Variants in NCBP3 observed in about 807,000 individuals in gnomAD.
NCBP3 encodes the protein nuclear cap binding subunit 3, also known as nuclear cap-binding protein subunit 3.
Under a neutral mutation model 75.7 loss-of-function variants are expected in NCBP3, and 20 were observed. That is an observed-to-expected ratio of 0.26 (90% CI 0.19 to 0.38). The LOEUF (loss-of-function observed/expected upper bound fraction) is 0.38. Among genes scored for constraint, NCBP3 ranks in the 10% least tolerant of loss-of-function variants. The pLI is 1.00. For synonymous variants in NCBP3, 293 were observed against 290.5 expected (o/e 1.01, Z -0.09); for missense variants, 678 against 796.9 (o/e 0.85, Z 1.80).
chr17:3,831,029 A>G (rs2053868704), intron 3 of NCBP3, among the ~76,000 whole-genome samples: 1 of 151,654 alleles, frequency 6.6e-6, no homozygotes, highest in African/African-American at 2.4e-5. Context: ...CTCCCGTCTA[A>G]GCCTCCCAAG....
At position 3,813,178 on chromosome 17, in the gene NCBP3, G is replaced by A. The variant is rs1420289144; in HGVS notation, c.1729C>T (p.Leu577=). 1.4e-5 allele frequency: 22 copies of A among 1,614,144 alleles called. No individual in the cohort carries two copies. Among genetic ancestry groups the A allele is most frequent in the Non-Finnish European group, 1.9e-5 (22 of 1,180,060 alleles). Residue 577 remains leucine (L), a synonymous_variant, in exon 13 of 13, where the codon CTG becomes TTG. Transcript: ENST00000389005. ...APGAEEDDSE[L]QRAWGALIKE... ...ATCAGAGCCCCCCATGCCCTTTGCA[G>A]CTCAGAGTCGTCTTCCTCAGCGCCA...
Position 3,803,894 on chromosome 17 carries a change from T to A in NCBP3, c.*9150A>T, listed in dbSNP as rs1351391600. The A allele has an allele frequency of 1.3e-5, 2 of 151,642 alleles. No homozygotes were observed. The highest frequency in any genetic ancestry group is 4.9e-5 in the African/African-American group (2 of 41,234). 9.4% of individuals were successfully genotyped at this position (151,642 alleles called of 1,614,324 possible). A position where few individuals can be genotyped will look rare whatever the true frequency, so the allele number is the denominator to read the frequency against. On this transcript the variant is annotated 3_prime_UTR_variant, in exon 13 of 13. Transcript: ENST00000389005. Reference sequence around the variant, plus strand: ...ATCGAGACCATCCTGGCTAACACGGTGAAACCCGGTCTCTACTAAAAATAC... The same window carrying A: ...ATCGAGACCATCCTGGCTAACACGGAGAAACCCGGTCTCTACTAAAAATAC...
At chr17:3,832,598 T>G (rs1490729310) in intron 3 of NCBP3, among the ~76,000 whole-genome samples, 1 of 148,256 alleles carries the variant, frequency 6.7e-6, no homozygotes, top group Non-Finnish European at 1.5e-5. Context: ...ACGACTGCAC[T>G]CCAGCCTGGG....
rs2053582041 is a variant in NCBP3 at position 3,818,087 on chromosome 17, T to C, written c.1310+176A>G. Among the ~76,000 whole-genome samples the C allele has an allele frequency of 6.6e-6, 1 of 152,206 alleles. No individual in the cohort carries two copies. Reference sequence around the variant, plus strand: ...TTTTCACTTTCTATGTTGTCTTTTGTTTTTATAACAAGAATCACTGCTTGT... The same window carrying C: ...TTTTCACTTTCTATGTTGTCTTTTGCTTTTATAACAAGAATCACTGCTTGT... On this transcript the variant is annotated intron_variant, in intron 10 of 12. Transcript: ENST00000389005. This position sits in a 1 kb window ranked among gnomAD's most constrained non-coding sequence, Gnocchi z 4.7.
chr17:3,818,644 G>A lies in NCBP3; in HGVS notation c.1001-72C>T, dbSNP rs534890650. Reference sequence around the variant, plus strand: ...CAAGTATGATTTTCTACTCTACATCGGTGACCTTTTTAAAAGGTGGGGTTC... The same window carrying A: ...CAAGTATGATTTTCTACTCTACATCAGTGACCTTTTTAAAAGGTGGGGTTC... On this transcript the variant is annotated intron_variant, in intron 9 of 12. Coordinates refer to ENST00000389005, the MANE Select transcript of NCBP3 (RefSeq NM_001114118.3). This position sits in a 1 kb window ranked among gnomAD's most constrained non-coding sequence, Gnocchi z 4.7. 5.3e-6 allele frequency: 8 copies of A among 1,496,454 alleles called. No homozygotes were observed. The highest frequency in any genetic ancestry group is 2.5e-4 in the Middle Eastern group (1 of 4,064). The allele number at this position is 1,496,454 out of a possible 1,614,324, so 92.7% of individuals were successfully genotyped here.
In NCBP3 at chr17:3,805,741, C is replaced by T. The variant is rs2053330266; in HGVS notation, c.*7303G>A. The T allele has an allele frequency of 6.6e-6, 1 of 152,248 alleles. No homozygotes were observed. The highest frequency in any genetic ancestry group is 2.4e-5 in the African/African-American group (1 of 41,422). 9.4% of individuals were successfully genotyped at this position (152,248 alleles called of 1,614,324 possible). On this transcript the variant is annotated 3_prime_UTR_variant, in exon 13 of 13. Transcript: ENST00000389005. The stretch of plus-strand genomic sequence containing the variant: ...TTCTTTCCTGCTATCTAGCCCACAC[C>T]CCTGATGCTCCCCGGAAAGGAGAGC...
chr17:3,820,739 T>A (rs1037615422), intron 9 of NCBP3, among the ~76,000 whole-genome samples: 3 of 152,218 alleles, frequency 2.0e-5, no homozygotes, highest in African/African-American at 7.2e-5. Flanking sequence ...GAGACCAGCC[T>A]GGCCAACATG....
At chr17:3,815,392 G>A (rs1197985211) in intron 11 of NCBP3, among the ~76,000 whole-genome samples, 1 of 152,146 alleles carries the variant, frequency 6.6e-6, no homozygotes, top group Non-Finnish European at 1.5e-5. Flanking sequence ...CCCTCCAAAG[G>A]CTTCTCACAT....
chr17:3,843,032 T>C, intron 2 of NCBP3, 54 bp downstream of exon 2: 1 of 1,316,402 alleles, frequency 7.6e-7, no homozygotes, highest in Non-Finnish European at 1.1e-6. Flanking sequence ...GGGATCAAAT[T>C]CATTAAGTTC....
At chr17:3,841,518 T>C (rs931816137) in intron 2 of NCBP3, among the ~76,000 whole-genome samples, 36 of 152,140 alleles carry the variant, frequency 2.4e-4, no homozygotes, top group African/African-American at 8.7e-4. Flanking sequence ...TGTAAGATTA[T>C]GAATAGTTTA....
chr17:3,826,058 G>T, intron 5 of NCBP3, 29 bp downstream of exon 5: 1 of 1,542,820 alleles, frequency 6.5e-7, no homozygotes, highest in South Asian at 1.2e-5. Flanking sequence ...AGGACTTTCA[G>T]ACCCCAGTTC....
At chr17:3,845,127 T>G (rs1292203782) in intron 1 of NCBP3, among the ~76,000 whole-genome samples, 1 of 152,172 alleles carries the variant, frequency 6.6e-6, no homozygotes, top group East Asian at 1.9e-4. Flanking sequence ...TAGCTGGCAC[T>G]AAAGGCGTGC....
rs188975853 is a variant in NCBP3 at position 3,827,551 on chromosome 17, C to T, written c.482-1336G>A. On this transcript the variant is annotated intron_variant, in intron 4 of 12. Transcript: ENST00000389005. ...AAGAAAAGAGCTTTGAGAAATCTTA[C>T]GGAAAATAAACTTAAAAGAGTATTT... Among the ~76,000 whole-genome samples, 119 of 152,300 alleles carry T rather than the reference C, an allele frequency of 7.8e-4. 2 individuals carry two copies. The highest frequency in any genetic ancestry group is 7.2e-3 in the Admixed American group (110 of 15,302).
rs780041254 is a variant in NCBP3, at chr17:3,814,446, C to T, written c.1503G>A (p.Pro501=). The T allele has an allele frequency of 3.5e-5, 57 of 1,614,140 alleles. No homozygotes were observed. In the South Asian group the frequency reaches 4.2e-4, roughly 12 times the overall value. The change falls in exon 12 of 13, where the codon CCG becomes CCA. Residue 501 remains proline, a synonymous_variant. Transcript: ENST00000389005. Reference sequence around the variant, plus strand: ...CGGGGTTACTACTAAAAGCCTTTTCCGGAGAATGTGGTCTTTTTCCTAACC... The same window carrying T: ...CGGGGTTACTACTAAAAGCCTTTTCTGGAGAATGTGGTCTTTTTCCTAACC... ...RQRLGKRPHS[P]EKAFSSNPVV... is the part of the protein sequence containing the mutation.
Position 3,811,762 on chromosome 17 carries a change from C to T in NCBP3, c.*1282G>A, listed in dbSNP as rs2053419683. 6.6e-6 allele frequency: 1 copy of T among 151,970 alleles called. No individual in the cohort carries two copies. The highest frequency in any genetic ancestry group is 2.1e-4 in the South Asian group (1 of 4,816). The allele number at this position is 151,970 out of a possible 1,614,324, so 9.4% of individuals were successfully genotyped here. A position where few individuals can be genotyped will look rare whatever the true frequency, so the allele number is the denominator to read the frequency against. On this transcript the variant is annotated 3_prime_UTR_variant, in exon 13 of 13. Transcript: ENST00000389005. ...CTCTAACGCCCATGTTCCAGCAAAC[C>T]GAAGAAAAACACTGTTTCTTAAAAC...
rs544439620 is a variant in NCBP3 at position 3,804,194 on chromosome 17, T to C, written c.*8850A>G. ...GACAACATAGTATGAACCTGTCTCT[T>C]TAAAAAAAAGTTGCAAAATGTTCAT... On this transcript the variant is annotated 3_prime_UTR_variant, in exon 13 of 13. Coordinates refer to ENST00000389005, the MANE Select transcript of NCBP3 (RefSeq NM_001114118.3). The C allele has an allele frequency of 1.3e-5, 2 of 152,184 alleles. No homozygotes were observed. The highest frequency in any genetic ancestry group is 3.9e-4 in the East Asian group (2 of 5,174). The allele number at this position is 152,184 out of a possible 1,614,324, so 9.4% of individuals were successfully genotyped here. A position where few individuals can be genotyped will look rare whatever the true frequency, so the allele number is the denominator to read the frequency against.
At position 3,809,984 on chromosome 17, in the gene NCBP3, T is replaced by A. The variant is rs756933804; in HGVS notation, c.*3060A>T. 8.6e-5 allele frequency: 13 copies of A among 151,680 alleles called. No individual in the cohort carries two copies. The highest frequency in any genetic ancestry group is 1.0e-4 in the Non-Finnish European group (7 of 67,876). The allele number at this position is 151,680 out of a possible 1,614,324, so 9.4% of individuals were successfully genotyped here. On this transcript the variant is annotated 3_prime_UTR_variant, in exon 13 of 13. Coordinates refer to ENST00000389005, the MANE Select transcript of NCBP3 (RefSeq NM_001114118.3). ...TCCACAGAGAGAGAAGGAAGATCAGTGGTGGCCAGAGGCTAAGAGGGAAGA... is the reference window on the plus strand; with the variant it reads ...TCCACAGAGAGAGAAGGAAGATCAGAGGTGGCCAGAGGCTAAGAGGGAAGA...
chr17:3,846,213 A>G lies in NCBP3; in HGVS notation c.11T>C (p.Val4Ala). MAA[V>A]RGLRVSVKAE... ...CTTCACCGACACCCGCAGGCCCCGT[A>G]CGGCCGCCATCGCTGCCTGCCGGCC... Residue 4 changes from valine (V) to alanine (A), a missense_variant, in exon 1 of 13, where the codon GTA becomes GCA. Around this residue, in one of 7 missense-constraint regions of NCBP3, gnomAD observed 76 missense variants for 53.8 expected, o/e 1.41. Coordinates refer to ENST00000389005, the MANE Select transcript of NCBP3 (RefSeq NM_001114118.3). This position sits in a 1 kb window ranked among gnomAD's most constrained non-coding sequence, Gnocchi z 4.6. The G allele has an allele frequency of 6.9e-7, 1 of 1,446,456 alleles. No individual in the cohort carries two copies. The allele number at this position is 1,446,456 out of a possible 1,614,324, so 89.6% of individuals were successfully genotyped here.
chr17:3,808,227 C>CT lies in NCBP3; in HGVS notation c.*4816dup, dbSNP rs1308608637. 1 of 152,252 alleles carries CT rather than the reference C, an allele frequency of 6.6e-6. No homozygotes were observed. The highest frequency in any genetic ancestry group is 1.5e-5 in the Non-Finnish European group (1 of 68,046). The allele number at this position is 152,252 out of a possible 1,614,324, so 9.4% of individuals were successfully genotyped here. A position where few individuals can be genotyped will look rare whatever the true frequency, so the allele number is the denominator to read the frequency against. On this transcript the variant is annotated 3_prime_UTR_variant, in exon 13 of 13. Transcript: ENST00000389005. ...CACAGCCCTAACTGCAGGCCAATCACTTCACCTGGTACTCAACCAAACAGT... is the reference window on the plus strand; with the variant it reads ...CACAGCCCTAACTGCAGGCCAATCACTTTCACCTGGTACTCAACCAAACAGT...
Sources: allele counts gnomAD v4.1 joint callset (sites outside exome capture counted in the v4.1 genomes callset), GRCh38; gene constraint gnomAD v4.1.1; regional missense constraint gnomAD v4.1.1; non-coding constraint Gnocchi (gnomAD v3.1); transcripts MANE v1.5; gene names NCBI Gene and HGNC (gene_info 2026-07-23, HGNC 2026-07-21).